Variants in BCKDHB observed in about 807,000 individuals in gnomAD.
BCKDHB encodes 2-oxoisovalerate dehydrogenase subunit beta, mitochondrial.
BCKDHB carries 41 observed loss-of-function variants against 48.5 expected under a neutral mutation model. The observed-to-expected ratio is 0.85, with a 90% CI of 0.66 to 1.10. The LOEUF is 1.10. BCKDHB is among the 50% of genes least tolerant of loss of function. The pLI is 0.00. For synonymous variants in BCKDHB, 201 were observed against 174.8 expected (o/e 1.15, Z -1.18); for missense variants, 496 against 494.2 (o/e 1.00, Z -0.03).
At chr6:80,461,272 C>T in the BCKDHB span, among the ~76,000 whole-genome samples, 3 of 152,082 alleles carry the variant, frequency 2.0e-5, no homozygotes, top group South Asian at 6.2e-4. Context: ...CACCTAGTTG[C>T]CTCATTCAAA....
chr6:80,220,229 AT>A (rs57676536), intron 8 of BCKDHB, among the ~76,000 whole-genome samples: 2 of 140,238 alleles, frequency 1.4e-5, no homozygotes, highest in Non-Finnish European at 3.1e-5. Context: ...GTATCATTTA[AT>A]TTTTTTTGAA....
the BCKDHB span, among the ~76,000 whole-genome samples, chr6:80,436,956 G>T: frequency 1.3e-5 from 2 of 152,132 alleles, no homozygotes; most frequent in Non-Finnish European, 2.9e-5. Flanking sequence ...TTCCAAATTA[G>T]TCTGTGGAAT....
At chr6:80,402,774 T>A in the BCKDHB span, among the ~76,000 whole-genome samples, 1 of 151,896 alleles carries the variant, frequency 6.6e-6, no homozygotes, top group African/African-American at 2.4e-5. Context: ...TTGAGTTGAC[T>A]TTTGTGTATG....
intron 8 of BCKDHB, among the ~76,000 whole-genome samples, chr6:80,205,812 G>GTGTGTGTGTT (rs1774622863): frequency 6.8e-6 from 1 of 147,408 alleles, no homozygotes; most frequent in African/African-American, 2.5e-5. Context: ...GTGTGTGTGT[G>GTGTGTGTGTT]TGTGTGTGTG....
intron 6 of BCKDHB, among the ~76,000 whole-genome samples, chr6:80,195,963 G>A (rs949228006): frequency 6.6e-6 from 1 of 152,086 alleles, no homozygotes; most frequent in African/African-American, 2.4e-5. Context: ...ACTATTTCAT[G>A]TGTAATGCAA....
At chr6:80,269,307 A>G (rs918780016) in intron 8 of BCKDHB, among the ~76,000 whole-genome samples, 1 of 152,104 alleles carries the variant, frequency 6.6e-6, no homozygotes, top group East Asian at 1.9e-4. Flanking sequence ...GATTGCTCCT[A>G]TTGTGATAGT....
chr6:80,403,651 T>C, the BCKDHB span, among the ~76,000 whole-genome samples: 3 of 151,954 alleles, frequency 2.0e-5, no homozygotes, highest in Non-Finnish European at 2.9e-5. Context: ...ATCATTATCT[T>C]ATTCTTGAAC....
chr6:80,140,224 A>C (rs1483070959), intron 3 of BCKDHB, among the ~76,000 whole-genome samples: 4 of 152,184 alleles, frequency 2.6e-5, no homozygotes, highest in Non-Finnish European at 5.9e-5. Context: ...TGGGGTTTCT[A>C]GATATACAAT....
intron 3 of BCKDHB, among the ~76,000 whole-genome samples, chr6:80,161,293 T>A (rs796680667): frequency 0.072 from 10,919 of 152,192 alleles, 589 homozygotes; most frequent in South Asian, 0.24. Context: ...TATTAATTTT[T>A]TATACTACCT....
the BCKDHB span, among the ~76,000 whole-genome samples, chr6:80,427,380 C>G: frequency 6.6e-6 from 1 of 151,918 alleles, no homozygotes; most frequent in African/African-American, 2.4e-5. Flanking sequence ...TTCATTTTCC[C>G]CATTCCAACC....
chr6:80,331,183 G>A (rs928316932), intron 9 of BCKDHB, among the ~76,000 whole-genome samples: 1 of 151,846 alleles, frequency 6.6e-6, no homozygotes, highest in Non-Finnish European at 1.5e-5. Context: ...TTAAGCATCC[G>A]GCAACCCACC....
At chr6:80,425,407 CA>C in the BCKDHB span, among the ~76,000 whole-genome samples, 2 of 152,124 alleles carry the variant, frequency 1.3e-5, no homozygotes, top group Non-Finnish European at 2.9e-5. Flanking sequence ...GAAATTGTAA[CA>C]GCTTGGTTTT....
the BCKDHB span, among the ~76,000 whole-genome samples, chr6:80,402,554 G>A: frequency 1.3e-5 from 2 of 151,824 alleles, no homozygotes; most frequent in African/African-American, 2.4e-5. Context: ...ATCCCATTCT[G>A]TAGGTTGTCT....
At chr6:80,124,642 G>A (rs1181752171) in intron 1 of BCKDHB, among the ~76,000 whole-genome samples, 2 of 152,080 alleles carry the variant, frequency 1.3e-5, no homozygotes, top group African/African-American at 2.4e-5. Flanking sequence ...TTATGTAATG[G>A]CCTTCTTTGT....
chr6:80,422,930 G>A, the BCKDHB span, among the ~76,000 whole-genome samples: 2 of 152,252 alleles, frequency 1.3e-5, 1 homozygote, highest in South Asian at 4.1e-4. Flanking sequence ...TAAGACTTTG[G>A]GGGACTGTTG....
chr6:80,285,618 C>T (rs75724612), intron 9 of BCKDHB, among the ~76,000 whole-genome samples: 4,339 of 152,120 alleles, frequency 0.029, 183 homozygotes, highest in African/African-American at 0.099. Flanking sequence ...AACAACTTTC[C>T]GGGCAGTGTC....
the BCKDHB span, chr6:80,374,268 T>C: frequency 2.2e-5 from 18 of 815,040 alleles, no homozygotes; most frequent in African/African-American, 2.0e-4. Flanking sequence ...AAGTTCACCA[T>C]TACTGTCTGC....
At chr6:80,266,760 T>A (rs1470406894) in intron 8 of BCKDHB, among the ~76,000 whole-genome samples, 1 of 152,072 alleles carries the variant, frequency 6.6e-6, no homozygotes, top group East Asian at 1.9e-4. Flanking sequence ...ACATTACTGG[T>A]CCCCTCTAAG....
chr6:80,219,480 T>TA (rs1775316730), intron 8 of BCKDHB, among the ~76,000 whole-genome samples: 2 of 152,212 alleles, frequency 1.3e-5, no homozygotes, highest in Admixed American at 1.3e-4. Flanking sequence ...GTGCTGGAAT[T>TA]ACAGGCATAA....
Sources: gnomAD v4.1 joint callset for allele counts (sites outside exome capture counted in the v4.1 genomes callset) on GRCh38, gnomAD v4.1.1 for gene constraint, MANE v1.5 for transcripts, NCBI Gene and HGNC (gene_info 2026-07-23, HGNC 2026-07-21) for gene names.